The following TMTC1 variants were observed in gnomAD, a reference collection of about 807,000 sequenced individuals.
The protein encoded by TMTC1 is transmembrane O-mannosyltransferase targeting cadherins 1, also known as protein O-mannosyl-transferase TMTC1.
A neutral mutation model predicts 104.8 loss-of-function variants in TMTC1; 73 were observed. The ratio of observed to expected loss-of-function variants is 0.70; its 90% CI spans 0.58 to 0.85. The LOEUF is 0.85. Ranked by LOEUF, TMTC1 falls within the 40% of genes least tolerant of loss-of-function variation. TMTC1 has a pLI of 0.00. For synonymous variants in TMTC1, 434 were observed against 428.7 expected (o/e 1.01, Z -0.15); for missense variants, 1,035 against 1,096.1 (o/e 0.94, Z 0.79).
Position 29,675,630 on chromosome 12 carries a change from A to C in TMTC1, c.939-42294T>G, listed in dbSNP as rs890107. ...CACACACACACACACACACACACAC[A>C]CCCTCCATGACTTTCTGTTTCTTGT... is the stretch of plus-strand genomic sequence containing the variant. On this transcript the variant is annotated intron_variant, in intron 5 of 17. Coordinates refer to ENST00000539277, the MANE Select transcript of TMTC1 (RefSeq NM_001193451.2). 9.1e-3 allele frequency among the ~76,000 whole-genome samples: 864 copies of C among 94,900 alleles called. 8 individuals are homozygous for C. The highest frequency in any genetic ancestry group is 0.019 in the African/African-American group (350 of 18,458). 62.3% of individuals were successfully genotyped at this position (94,900 alleles called of 152,430 possible).
chr12:29,737,469 G>A (rs952592527), intron 5 of TMTC1, among the ~76,000 whole-genome samples: 4 of 152,076 alleles, frequency 2.6e-5, no homozygotes, highest in African/African-American at 9.7e-5. Context: ...AGCCCAGATC[G>A]CGCCATTGCA....
intron 5 of TMTC1, among the ~76,000 whole-genome samples, chr12:29,705,115 G>A (rs1941704319): frequency 6.6e-6 from 1 of 152,118 alleles, no homozygotes; most frequent in Non-Finnish European, 1.5e-5. Context: ...CCAGGCTGAT[G>A]GGAGTTCAGA....
At position 29,556,990 on chromosome 12, in the gene TMTC1, G is replaced by A. The variant is rs141215209; in HGVS notation, c.1543C>T (p.Arg515Cys). 6 of 1,614,040 alleles carry A rather than the reference G, an allele frequency of 3.7e-6. No homozygotes were observed. The highest frequency in any genetic ancestry group is 2.2e-5 in the East Asian group (1 of 44,888). Reference protein sequence around the residue: ...HYRTALKLYPRHASALNNLGT... With the variant: ...HYRTALKLYPCHASALNNLGT... ...AGGTTGTTGAGCGCACTTGCATGGCGTGGATACAACCTGAAAAGTTAAAAA... is the reference window on the plus strand; with the variant it reads ...AGGTTGTTGAGCGCACTTGCATGGCATGGATACAACCTGAAAAGTTAAAAA... The change falls in exon 10 of 18, where the codon CGC (arginine) becomes TGC (cysteine). Residue 515 changes from arginine to cysteine, a missense_variant. Transcript: ENST00000539277.
upstream of TMTC1, chr12:29,784,374 CA>C (rs1010200523): frequency 1.3e-5 from 2 of 152,362 alleles, no homozygotes; most frequent in Admixed American, 1.3e-4. Context: ...GGGACAACAG[CA>C]GCGGCGCCCG....
chr12:29,557,047 G>A, intron 9 of TMTC1, 47 bp from the exon 10 acceptor site: 1 of 1,601,844 alleles, frequency 6.2e-7, no homozygotes, highest in Non-Finnish European at 8.5e-7. Flanking sequence ...AAACTTCTAA[G>A]TTGGGCACAA....
intron 11 of TMTC1, 176 bp downstream of exon 11, chr12:29,536,033 C>G: frequency 1.7e-6 from 1 of 590,720 alleles, no homozygotes; most frequent in Non-Finnish European, 3.0e-6. Context: ...CTGTGATACA[C>G]AGAGAATATT....
At chr12:29,717,774 C>G (rs760929926) in intron 5 of TMTC1, among the ~76,000 whole-genome samples, 1 of 152,102 alleles carries the variant, frequency 6.6e-6, no homozygotes, top group Non-Finnish European at 1.5e-5. Context: ...AAAGTTTTGT[C>G]ATATTGGGAA....
intron 6 of TMTC1, chr12:29,609,731 G>A (rs969462427): frequency 2.0e-5 from 3 of 152,284 alleles, no homozygotes; most frequent in African/African-American, 7.2e-5. Flanking sequence ...TAGAGGAACA[G>A]AAAGTGCCTG....
intron 5 of TMTC1, among the ~76,000 whole-genome samples, chr12:29,635,523 G>A (rs1938507218): frequency 6.6e-6 from 1 of 152,148 alleles, no homozygotes; most frequent in Non-Finnish European, 1.5e-5. Context: ...TAAATTATCA[G>A]GTGAAAAGCC....
At chr12:29,507,576 G>C (rs1177946830) in intron 17 of TMTC1, among the ~76,000 whole-genome samples, 3 of 152,174 alleles carry the variant, frequency 2.0e-5, no homozygotes, top group African/African-American at 7.2e-5. Flanking sequence ...GCAGCAGTAT[G>C]CATTAGCTAT....
chr12:29,602,882 T>A (rs1946604146), intron 7 of TMTC1, among the ~76,000 whole-genome samples: 2 of 152,100 alleles, frequency 1.3e-5, no homozygotes, highest in Admixed American at 1.3e-4. Context: ...TGAATATCTA[T>A]CAAATGAAGA....
chr12:29,590,981 C>T (rs937666668), intron 7 of TMTC1, among the ~76,000 whole-genome samples: 4 of 152,124 alleles, frequency 2.6e-5, no homozygotes, highest in Admixed American at 2.6e-4. Flanking sequence ...GTTTGTGGAT[C>T]CCTGCTATAA....
intron 5 of TMTC1, among the ~76,000 whole-genome samples, chr12:29,647,919 T>C (rs1939340799): frequency 6.6e-6 from 1 of 152,170 alleles, no homozygotes; most frequent in Non-Finnish European, 1.5e-5. Context: ...CCTATCCCCT[T>C]CAAACTGGTA....
At chr12:29,666,074 A>G (rs572837568) in intron 5 of TMTC1, among the ~76,000 whole-genome samples, 2 of 152,066 alleles carry the variant, frequency 1.3e-5, no homozygotes, top group South Asian at 4.2e-4. Flanking sequence ...ATTGCAACAG[A>G]CCCATCCTCA....
intron 5 of TMTC1, among the ~76,000 whole-genome samples, chr12:29,698,068 G>A (rs1175113830): frequency 2.1e-4 from 32 of 152,096 alleles, no homozygotes. Flanking sequence ...GCTTTCCTCT[G>A]ATCTTCCCTT....
At chr12:29,725,523 T>A (rs1942366247) in intron 5 of TMTC1, among the ~76,000 whole-genome samples, 3 of 152,134 alleles carry the variant, frequency 2.0e-5, no homozygotes, top group African/African-American at 7.2e-5. Flanking sequence ...ATGTGGAAAT[T>A]TCTCATTCTG....
At chr12:29,645,507 T>C (rs1939227882) in intron 5 of TMTC1, among the ~76,000 whole-genome samples, 1 of 152,230 alleles carries the variant, frequency 6.6e-6, no homozygotes, top group Admixed American at 6.5e-5. Context: ...ATTAATATAG[T>C]AATCTTATTA....
chr12:29,569,039 T>G (rs1407015089), intron 9 of TMTC1: 1 of 453,730 alleles, frequency 2.2e-6, no homozygotes, highest in East Asian at 7.0e-5. Context: ...AAGCTAACAC[T>G]TGATGTTTGT....
rs1351618879 is a variant in TMTC1, at chr12:29,502,428, G to C, written c.*4418C>G. 6.6e-6 allele frequency: 1 copy of C among 151,002 alleles called. No individual in the cohort carries two copies. Among genetic ancestry groups the C allele is most frequent in the Non-Finnish European group, 1.5e-5 (1 of 67,924 alleles). 9.4% of individuals were successfully genotyped at this position (151,002 alleles called of 1,614,324 possible). A position where few individuals can be genotyped will look rare whatever the true frequency, so the allele number is the denominator to read the frequency against. On this transcript the variant is annotated 3_prime_UTR_variant, in exon 18 of 18. Transcript: ENST00000539277. ...TGCCCAAAATAAAGATAGAGATGTA[G>C]GCATAAACTCTATACCATGGACACC... is the stretch of plus-strand genomic sequence containing the variant.
Sources: allele counts gnomAD v4.1 joint callset (sites outside exome capture counted in the v4.1 genomes callset), GRCh38; gene constraint gnomAD v4.1.1; transcripts MANE v1.5; gene names NCBI Gene and HGNC (gene_info 2026-07-23, HGNC 2026-07-21).